The following IL17RD variants were observed in gnomAD, a reference collection of about 807,000 sequenced individuals.
IL17RD encodes the protein interleukin-17 receptor D.
IL17RD carries 52 observed loss-of-function variants against 80.5 expected under a neutral mutation model. That is an observed-to-expected ratio of 0.65 (90% confidence interval 0.52 to 0.81). The LOEUF (loss-of-function observed/expected upper bound fraction) is 0.81. Among genes scored for constraint, IL17RD ranks in the 40% least tolerant of loss-of-function variants. The pLI is 0.00. For synonymous variants in IL17RD, 416 were observed against 391.8 expected (o/e 1.06, Z -0.73); for missense variants, 1,024 against 955.1 (o/e 1.07, Z -0.95).
intron 1 of IL17RD, among the ~76,000 whole-genome samples, chr3:57,155,118 A>G (rs1368753356): frequency 1.3e-5 from 2 of 152,240 alleles, no homozygotes; most frequent in Admixed American, 1.3e-4. Context: ...ACAGACCTTC[A>G]AGTGGCTTCA....
At position 57,114,699 on chromosome 3, in the gene IL17RD, C is replaced by T; in HGVS notation, c.303G>A (p.Gly101=). 1 of 1,609,758 alleles carries T rather than the reference C, an allele frequency of 6.2e-7. No homozygotes were observed. The highest frequency in any genetic ancestry group is 1.1e-5 in the South Asian group (1 of 89,958). Reference sequence around the variant, plus strand: ...CGATTTTTGACCACTCACCGAGGGCCCCTGGGGACCAAAGAATGGTGACTG... The same window carrying T: ...CGATTTTTGACCACTCACCGAGGGCTCCTGGGGACCAAAGAATGGTGACTG... ...QVAVTILWSP[G]ALGIEFLKGF... The change falls in exon 3 of 13, where the codon GGG becomes GGA. Residue 101 remains glycine, a synonymous_variant. Coordinates refer to ENST00000296318, the MANE Select transcript of IL17RD (RefSeq NM_017563.5).
intron 1 of IL17RD, among the ~76,000 whole-genome samples, chr3:57,139,756 G>A (rs1012615260): frequency 1.3e-5 from 2 of 151,998 alleles, no homozygotes; most frequent in Admixed American, 6.6e-5. Flanking sequence ...CAGGTGATCC[G>A]CCCACCTCAG....
At chr3:57,163,206 T>C (rs1196660297) in intron 1 of IL17RD, among the ~76,000 whole-genome samples, 4 of 152,204 alleles carry the variant, frequency 2.6e-5, no homozygotes, top group African/African-American at 7.2e-5. Context: ...CAGAGGCCTC[T>C]ACGATCGTCC....
intron 3 of IL17RD, among the ~76,000 whole-genome samples, chr3:57,111,223 C>T (rs1470011769): frequency 1.3e-5 from 2 of 152,186 alleles, no homozygotes; most frequent in Non-Finnish European, 2.9e-5. Flanking sequence ...TGCAATTAAC[C>T]AGGTGGGAAA....
intron 1 of IL17RD, among the ~76,000 whole-genome samples, chr3:57,140,187 A>T (rs1707803214): frequency 6.6e-6 from 1 of 152,170 alleles, no homozygotes; most frequent in East Asian, 1.9e-4. Flanking sequence ...CCATGTCTTG[A>T]TGTTCCCCAA....
At position 57,105,819 on chromosome 3, in the gene IL17RD, AACACGCAGTGTTCCTTTATAT is replaced by A; in HGVS notation, c.747+17_747+37del. 1.1e-5 allele frequency: 17 copies of A among 1,592,368 alleles called. No homozygotes were observed. The highest frequency in any genetic ancestry group is 1.5e-5 in the Non-Finnish European group (17 of 1,166,788). On this transcript the variant is annotated intron_variant, in intron 7 of 12. Coordinates refer to ENST00000296318, the MANE Select transcript of IL17RD (RefSeq NM_017563.5). ...TCCAGTGGCCTGGGGGTCGCTTTGA[AACACGCAGTGTTCCTTTATAT>A]ACACCCAGCAGCTCACCTGCTTACA...
At chr3:57,138,892 T>A (rs1184137046) in intron 1 of IL17RD, among the ~76,000 whole-genome samples, 1 of 146,142 alleles carries the variant, frequency 6.8e-6, no homozygotes, top group Non-Finnish European at 1.5e-5. Context: ...TGAGCTGAGA[T>A]TGCACCATTG....
intron 1 of IL17RD, chr3:57,134,523 A>G: frequency 7.5e-7 from 1 of 1,337,050 alleles, no homozygotes; most frequent in Non-Finnish European, 1.1e-6. Context: ...GGTGAAGGGG[A>G]ATGTGTTCAA....
At chr3:57,121,393 C>T (rs539002341) in intron 1 of IL17RD, among the ~76,000 whole-genome samples, 8 of 152,318 alleles carry the variant, frequency 5.3e-5, no homozygotes, top group East Asian at 3.9e-4. Context: ...TGAAGCCAGG[C>T]ACACCCACTG....
intron 12 of IL17RD, 113 bp downstream of exon 12, chr3:57,097,483 C>G: frequency 1.3e-6 from 1 of 771,946 alleles, no homozygotes. Context: ...GTGTTCTCAT[C>G]AGGTTTCATT....
At chr3:57,121,031 C>T (rs1055623994) in intron 1 of IL17RD, among the ~76,000 whole-genome samples, 1 of 152,182 alleles carries the variant, frequency 6.6e-6, no homozygotes, top group African/African-American at 2.4e-5. Flanking sequence ...CCCGTTGACC[C>T]CGCCTTTTCC....
intron 1 of IL17RD, among the ~76,000 whole-genome samples, chr3:57,155,339 GGTAAA>G (rs1294560302): frequency 3.3e-5 from 5 of 152,132 alleles, no homozygotes; most frequent in Non-Finnish European, 5.9e-5. Context: ...CACAGCACAG[GGTAAA>G]GTAGACAGTC....
At chr3:57,126,987 G>A (rs1707472689) in intron 1 of IL17RD, among the ~76,000 whole-genome samples, 1 of 151,164 alleles carries the variant, frequency 6.6e-6, no homozygotes, top group African/African-American at 2.4e-5. Context: ...ACCATGCCTG[G>A]CTAATTTTTG....
At position 57,127,345 on chromosome 3, in the gene IL17RD, TATAA is replaced by T. The variant is rs1233477124; in HGVS notation, c.127-7036_127-7033del. ...ATATATAAATATATATAAAAATATA[TATAA>T]ATATATATAAATATAAATATATATA... On this transcript the variant is annotated intron_variant, in intron 1 of 12. Transcript: ENST00000296318. Among the ~76,000 whole-genome samples the T allele has an allele frequency of 2.4e-5, 2 of 83,628 alleles. 1 individual carries two copies. Among genetic ancestry groups the T allele is most frequent in the East Asian group, 1.1e-3 (2 of 1,844 alleles). 54.9% of individuals were successfully genotyped at this position (83,628 alleles called of 152,430 possible). A position where few individuals can be genotyped will look rare whatever the true frequency, so the allele number is the denominator to read the frequency against.
rs1174676766 is a variant in IL17RD, at chr3:57,165,220, G to T, written c.67C>A (p.Leu23Met). The T allele has an allele frequency of 6.5e-7, 1 of 1,531,448 alleles. No individual in the cohort carries two copies. The allele number at this position is 1,531,448 out of a possible 1,614,324, so 94.9% of individuals were successfully genotyped here. The change falls in exon 1 of 13, where the codon CTG (leucine) becomes ATG (methionine). Residue 23 changes from leucine to methionine, a missense_variant. Leu to Met is a conservative substitution (Grantham distance 15, BLOSUM62 2). Transcript: ENST00000296318. ...TVNACLNGSQLAVAAGGSGRA... is the reference protein window; with the variant it reads ...TVNACLNGSQMAVAAGGSGRA... ...CCGGACCCGCCAGCGGCCACAGCCA[G>T]CTGCGAGCCGTTGAGGCAGGCGTTG...
intron 9 of IL17RD, 62 bp downstream of exon 9, chr3:57,103,029 G>C (rs1013145153): frequency 8.8e-7 from 1 of 1,139,352 alleles, no homozygotes; most frequent in Non-Finnish European, 1.3e-6. Flanking sequence ...GAAGTACAGA[G>C]AGTATCACAT....
chr3:57,105,552 A>ATATATATATATATATATATATATATATAT (rs1553623052), intron 7 of IL17RD, among the ~76,000 whole-genome samples: 2 of 63,588 alleles, frequency 3.1e-5, no homozygotes, highest in African/African-American at 1.9e-4. Flanking sequence ...AAAAAAAAAA[A>ATATATATATATATATATATATATATATAT]ATATATATAT....
Position 57,097,710 on chromosome 3 carries a change from A to C in IL17RD, c.1993T>G (p.Tyr665Asp). The change falls in exon 12 of 13, where the codon TAT (tyrosine) becomes GAT (aspartate). Residue 665 changes from tyrosine to aspartate, a missense_variant. Physicochemically the swap from Tyr to Asp is radical, Grantham distance 160 (BLOSUM62 -3). Transcript: ENST00000296318. ...PSDMPRDSGI[Y>D]DSSVPSSELS... ...TCGGATGAGGGCACAGACGAGTCATAGATGCCTGAGTCCCGCGGCATGTCC... is the reference window on the plus strand; with the variant it reads ...TCGGATGAGGGCACAGACGAGTCATCGATGCCTGAGTCCCGCGGCATGTCC... The C allele has an allele frequency of 6.2e-7, 1 of 1,605,296 alleles. No homozygotes were observed. The highest frequency in any genetic ancestry group is 8.5e-7 in the Non-Finnish European group (1 of 1,175,492).
chr3:57,141,448 G>C (rs1459420715), intron 1 of IL17RD, among the ~76,000 whole-genome samples: 2 of 152,090 alleles, frequency 1.3e-5, no homozygotes, highest in East Asian at 3.8e-4. Context: ...TTTCATTTCT[G>C]AGGGATGGAA....
Sources: gnomAD v4.1 joint callset for allele counts (sites outside exome capture counted in the v4.1 genomes callset) on GRCh38, gnomAD v4.1.1 for gene constraint, MANE v1.5 for transcripts, NCBI Gene and HGNC (gene_info 2026-07-23, HGNC 2026-07-21) for gene names.